LOC400499: variants seen among roughly 807,000 people sequenced by gnomAD.
the LOC400499 span, among the ~76,000 whole-genome samples, chr16:11,409,058 C>T: frequency 3.3e-5 from 5 of 151,590 alleles, no homozygotes; most frequent in South Asian, 2.1e-4. Flanking sequence ...GTCAGGAGTT[C>T]AAGACCAGCC....
At chr16:11,438,808 T>C in the LOC400499 span, among the ~76,000 whole-genome samples, 1 of 151,330 alleles carries the variant, frequency 6.6e-6, no homozygotes, top group Admixed American at 6.6e-5. Context: ...TTTAAAATGC[T>C]ATCGGGCTAG....
the LOC400499 span, among the ~76,000 whole-genome samples, chr16:11,451,961 G>A: frequency 6.6e-6 from 1 of 152,154 alleles, no homozygotes; most frequent in African/African-American, 2.4e-5. Flanking sequence ...AGGAACGCAC[G>A]GATCCCTGGA....
At chr16:11,463,262 G>A in the LOC400499 span, among the ~76,000 whole-genome samples, 11 of 55,426 alleles carry the variant, frequency 2.0e-4, no homozygotes, top group South Asian at 4.6e-4. Flanking sequence ...CCACCCCCAC[G>A]CCCCCCTGAT....
At chr16:11,380,473 G>A in the LOC400499 span, among the ~76,000 whole-genome samples, 56 of 151,996 alleles carry the variant, frequency 3.7e-4, no homozygotes, top group African/African-American at 1.3e-3. Context: ...CCAGCTACTC[G>A]GGAGGCTGCA....
At chr16:11,391,092 G>T in the LOC400499 span, among the ~76,000 whole-genome samples, 4 of 152,212 alleles carry the variant, frequency 2.6e-5, no homozygotes, top group Non-Finnish European at 5.9e-5. Flanking sequence ...CACTGCCCTG[G>T]GGGTGGTCAC....
At chr16:11,411,198 C>T in the LOC400499 span, 2 of 399,156 alleles carry the variant, frequency 5.0e-6, no homozygotes, top group African/African-American at 2.1e-5. Flanking sequence ...CTGCCTCGGG[C>T]TGGGCATCTG....
chr16:11,485,886 T>C, the LOC400499 span, among the ~76,000 whole-genome samples: 2 of 151,890 alleles, frequency 1.3e-5, no homozygotes, highest in Non-Finnish European at 2.9e-5. Context: ...GATGAATAGA[T>C]AGGTAGGTAG....
At chr16:11,492,638 A>G in the LOC400499 span, among the ~76,000 whole-genome samples, 1 of 152,028 alleles carries the variant, frequency 6.6e-6, no homozygotes. Context: ...CAAAAAAATT[A>G]GCCGGGCGTG....
chr16:11,452,205 GTTTT>G, the LOC400499 span, among the ~76,000 whole-genome samples: 1 of 89,786 alleles, frequency 1.1e-5, no homozygotes, highest in Non-Finnish European at 2.6e-5. Context: ...TTTTTTGTTT[GTTTT>G]TTTTTTTTTT....
chr16:11,436,503 C>A, the LOC400499 span, among the ~76,000 whole-genome samples: 1 of 152,186 alleles, frequency 6.6e-6, no homozygotes, highest in South Asian at 2.1e-4. Context: ...CTGATCTGGG[C>A]CTCAGTTTCC....
chr16:11,430,516 T>G, the LOC400499 span, among the ~76,000 whole-genome samples: 1 of 151,914 alleles, frequency 6.6e-6, no homozygotes, highest in African/African-American at 2.4e-5. Flanking sequence ...AAAAAAGAAT[T>G]ATCATGTCTG....
the LOC400499 span, among the ~76,000 whole-genome samples, chr16:11,444,177 C>T: frequency 8.5e-5 from 13 of 152,104 alleles, no homozygotes; most frequent in Non-Finnish European, 1.5e-4. Flanking sequence ...CAAGAGGATC[C>T]CCTGAATCCA....
chr16:11,447,617 C>T, the LOC400499 span, among the ~76,000 whole-genome samples: 1 of 152,114 alleles, frequency 6.6e-6, no homozygotes, highest in African/African-American at 2.4e-5. Flanking sequence ...GTCCTAACCT[C>T]GTGCTGTTCC....
At chr16:11,399,791 G>T in the LOC400499 span, 3 of 398,886 alleles carry the variant, frequency 7.5e-6, no homozygotes, top group Non-Finnish European at 1.3e-5. Context: ...GTCGCAGGTT[G>T]TCCTCTGTTC....
chr16:11,454,515 CAA>C, the LOC400499 span, among the ~76,000 whole-genome samples: 2 of 152,126 alleles, frequency 1.3e-5, no homozygotes, highest in African/African-American at 4.8e-5. Flanking sequence ...TGCCACATGA[CAA>C]AAGAGGCAGA....
chr16:11,433,922 A>G, the LOC400499 span, among the ~76,000 whole-genome samples: 10 of 152,322 alleles, frequency 6.6e-5, no homozygotes, highest in African/African-American at 1.9e-4. Context: ...ATGAATAAAT[A>G]TATGTAAAAT....
At chr16:11,393,432 C>T in the LOC400499 span, 1,635 of 1,232,292 alleles carry the variant, frequency 1.3e-3, 1 homozygote, top group Admixed American at 1.9e-3. Context: ...GCTTGGGGCC[C>T]GGAACACAGA....
the LOC400499 span, among the ~76,000 whole-genome samples, chr16:11,400,393 C>T: frequency 6.6e-6 from 1 of 151,828 alleles, no homozygotes; most frequent in South Asian, 2.1e-4. Flanking sequence ...ACCCACCTTA[C>T]AGTTGCTGCC....
At chr16:11,444,832 A>G in the LOC400499 span, among the ~76,000 whole-genome samples, 42 of 152,164 alleles carry the variant, frequency 2.8e-4, no homozygotes, top group Non-Finnish European at 1.3e-4. Flanking sequence ...CTATAATGTC[A>G]GCATTCTGGA....
Sources: allele counts gnomAD v4.1 joint callset (sites outside exome capture counted in the v4.1 genomes callset), GRCh38; gene constraint gnomAD v4.1.1; transcripts MANE v1.5.